ARPP21: variants seen among roughly 807,000 people sequenced by gnomAD.
The protein encoded by ARPP21 is cAMP-regulated phosphoprotein 21.
In ARPP21, 69 loss-of-function variants were observed where a neutral mutation model predicts 113.2. The ratio of observed to expected loss-of-function variants is 0.61; its 90% confidence interval spans 0.50 to 0.74. The LOEUF (loss-of-function observed/expected upper bound fraction) is 0.74, where lower values mean the gene tolerates loss of function less well. Among genes scored for constraint, ARPP21 ranks in the 30% least tolerant of loss-of-function variants. ARPP21 has a pLI of 0.00. For missense variants in ARPP21, 1,070 were observed against 1,037.4 expected (o/e 1.03, Z -0.43); for synonymous variants, 368 against 375.5 (o/e 0.98, Z 0.23).
chr3:35,787,242 T>G (rs1256950763), intron 19 of ARPP21, among the ~76,000 whole-genome samples: 1 of 152,220 alleles, frequency 6.6e-6, no homozygotes, highest in East Asian at 1.9e-4. Context: ...ATAAATGCTA[T>G]TCTTGTTTCT....
chr3:35,753,297 A>G (rs763976028), intron 19 of ARPP21, among the ~76,000 whole-genome samples: 5 of 152,072 alleles, frequency 3.3e-5, no homozygotes, highest in Non-Finnish European at 7.4e-5. Flanking sequence ...AAATCAATTC[A>G]TGTCAACATA....
intron 1 of ARPP21, among the ~76,000 whole-genome samples, chr3:35,678,122 T>C (rs1045419094): frequency 6.6e-6 from 1 of 151,998 alleles, no homozygotes; most frequent in Non-Finnish European, 1.5e-5. Flanking sequence ...AATATCAGTT[T>C]GTTCTTTCTC....
At chr3:35,655,097 C>A (rs1704194137) in intron 1 of ARPP21, among the ~76,000 whole-genome samples, 1 of 151,664 alleles carries the variant, frequency 6.6e-6, no homozygotes, top group East Asian at 1.9e-4. Flanking sequence ...AACTTCTTAA[C>A]CTAATTCATC....
chr3:35,648,698 T>C (rs1456127367), intron 1 of ARPP21, among the ~76,000 whole-genome samples: 1 of 152,004 alleles, frequency 6.6e-6, no homozygotes, highest in East Asian at 1.9e-4. Context: ...AACAATTGGT[T>C]CCCCTATCAA....
In ARPP21 at chr3:35,683,713, TC is replaced by T. The variant is rs563243125; in HGVS notation, c.172-7del. 8.4e-4 allele frequency: 814 copies of T among 968,704 alleles called. 14 individuals carry two copies. In the South Asian group the frequency reaches 0.01, roughly 12 times the overall value. The allele number at this position is 968,704 out of a possible 1,614,324, so 60.0% of individuals were successfully genotyped here. The stretch of plus-strand genomic sequence containing the variant: ...TATTTTCCTTTCCTTCCCTTTTCTT[TC>T]CCCCCTCCTAGTCAGGAGCAGGAAA... On this transcript the variant is annotated splice_polypyrimidine_tract_variant and intron_variant, in intron 4 of 20. Transcript: ENST00000684406.
chr3:35,722,915 C>T lies in ARPP21; in HGVS notation c.1225+1081C>T, dbSNP rs561136540. On this transcript the variant is annotated intron_variant, in intron 14 of 20. Transcript: ENST00000684406. ...AAATCTCAGGAAGGTGACAAATGACCATTCAGTAGCACTCCATGAACTGAA... is the reference window on the plus strand; with the variant it reads ...AAATCTCAGGAAGGTGACAAATGACTATTCAGTAGCACTCCATGAACTGAA... Among the ~76,000 whole-genome samples, 3 of 152,240 alleles carry T rather than the reference C, an allele frequency of 2.0e-5. No homozygotes were observed. In the South Asian group the frequency reaches 6.2e-4, roughly 32 times the overall value.
chr3:35,712,510 GT>G (rs2091422936), intron 11 of ARPP21, among the ~76,000 whole-genome samples: 1 of 107,074 alleles, frequency 9.3e-6, no homozygotes, highest in African/African-American at 4.3e-5. Context: ...GGTGTCTAAG[GT>G]GTCTGTGTGT....
At chr3:35,748,071 A>AAGG (rs1559837078) in intron 19 of ARPP21, among the ~76,000 whole-genome samples, 3,558 of 93,076 alleles carry the variant, frequency 0.038, 65 homozygotes, top group Middle Eastern at 0.056. Flanking sequence ...AGGAAGGAAG[A>AAGG]AAGAAAGAAA....
chr3:35,711,192 C>A (rs569959338), intron 11 of ARPP21, among the ~76,000 whole-genome samples: 83 of 152,268 alleles, frequency 5.5e-4, no homozygotes, highest in African/African-American at 2.0e-3. Context: ...TTCTAGCATG[C>A]TTTTTAACTT....
chr3:35,712,510 GTGTC>G lies in ARPP21; in HGVS notation c.898-2925_898-2922del, dbSNP rs200523495. On this transcript the variant is annotated intron_variant, in intron 11 of 20. Transcript: ENST00000684406. ...TTCCAAATATATCTTGGTGTCTAAGGTGTCTGTGTGTGTGTGTGTGTGTGTGTGT... is the reference window on the plus strand; with the variant it reads ...TTCCAAATATATCTTGGTGTCTAAGGTGTGTGTGTGTGTGTGTGTGTGTGT... 7.2e-3 allele frequency among the ~76,000 whole-genome samples: 768 copies of G among 107,138 alleles called. 16 individuals are homozygous for G. The highest frequency in any genetic ancestry group is 0.031 in the African/African-American group (720 of 23,542). 70.3% of individuals were successfully genotyped at this position (107,138 alleles called of 152,430 possible). A position where few individuals can be genotyped will look rare whatever the true frequency, so the allele number is the denominator to read the frequency against.
chr3:35,726,767 G>A (rs1016895358), intron 14 of ARPP21, among the ~76,000 whole-genome samples: 1 of 152,194 alleles, frequency 6.6e-6, no homozygotes, highest in Admixed American at 6.5e-5. Context: ...TCAAATCTGA[G>A]TTAGGACGTG....
At chr3:35,659,449 A>T (rs1048727546) in intron 1 of ARPP21, among the ~76,000 whole-genome samples, 11 of 152,200 alleles carry the variant, frequency 7.2e-5, no homozygotes, top group Non-Finnish European at 1.6e-4. Context: ...GAAGACATTT[A>T]CATTTTTAGA....
At position 35,729,385 on chromosome 3, in the gene ARPP21, A is replaced by G. The variant is rs766989322; in HGVS notation, c.1308A>G (p.Ser436=). The G allele has an allele frequency of 1.2e-6, 2 of 1,614,126 alleles. No homozygotes were observed. The highest frequency in any genetic ancestry group is 2.2e-5 in the South Asian group (2 of 91,084). ...HPPLQSTPLV[S]GVAAGSPGCV... ...CTCTCCAGAGCACACCCCTAGTCTC[A>G]GGTGTGGCAGCTGGCTCTCCAGGCT... The change falls in exon 15 of 21, where the codon TCA becomes TCG. Residue 436 remains serine, a synonymous_variant. Coordinates refer to ENST00000684406, the MANE Select transcript of ARPP21 (RefSeq NM_001385562.1).
At chr3:35,646,883 C>G (rs984838197) in intron 1 of ARPP21, among the ~76,000 whole-genome samples, 1 of 152,130 alleles carries the variant, frequency 6.6e-6, no homozygotes, top group Non-Finnish European at 1.5e-5. Context: ...AATTTCACAG[C>G]AAAGAACTAG....
At chr3:35,693,529 G>C (rs541886837) in intron 9 of ARPP21, among the ~76,000 whole-genome samples, 1 of 151,784 alleles carries the variant, frequency 6.6e-6, no homozygotes, top group African/African-American at 2.4e-5. Flanking sequence ...ACAGTTTTCA[G>C]AACCTGAATC....
chr3:35,677,091 G>A (rs1196396733), intron 1 of ARPP21, among the ~76,000 whole-genome samples: 12 of 151,868 alleles, frequency 7.9e-5, no homozygotes, highest in East Asian at 5.9e-4. Flanking sequence ...GTTAATATTC[G>A]TCCTTCTCTT....
chr3:35,654,465 T>C (rs923395103), intron 1 of ARPP21, among the ~76,000 whole-genome samples: 1 of 152,100 alleles, frequency 6.6e-6, no homozygotes, highest in Non-Finnish European at 1.5e-5. Context: ...GGTATGGAAT[T>C]TACCGATATT....
At chr3:35,791,561 C>A (rs1007050722) in intron 19 of ARPP21, among the ~76,000 whole-genome samples, 1 of 152,082 alleles carries the variant, frequency 6.6e-6, no homozygotes, top group African/African-American at 2.4e-5. Flanking sequence ...TTAAACCACT[C>A]ATTGAAGTGA....
chr3:35,732,412 C>A (rs999599401), intron 15 of ARPP21, among the ~76,000 whole-genome samples: 4 of 152,182 alleles, frequency 2.6e-5, no homozygotes, highest in African/African-American at 4.8e-5. Flanking sequence ...GGACCTCTTG[C>A]CTGTTCTTTC....
Sources: gnomAD v4.1 joint callset for allele counts (sites outside exome capture counted in the v4.1 genomes callset) on GRCh38, gnomAD v4.1.1 for gene constraint, MANE v1.5 for transcripts, NCBI Gene and HGNC (gene_info 2026-07-23, HGNC 2026-07-21) for gene names.